The following USH2A variants were observed in gnomAD, a reference collection of about 807,000 sequenced individuals.
USH2A encodes the protein usherin, also known as Usher syndrome 2A (autosomal recessive, mild).
USH2A carries 443 observed loss-of-function variants against 538.9 expected under a neutral mutation model. The ratio of observed to expected loss-of-function variants is 0.82; its 90% CI spans 0.76 to 0.89. The LOEUF is 0.89. Among genes scored for constraint, USH2A ranks in the 40% least tolerant of loss-of-function variants. The pLI is 0.00. For synonymous variants in USH2A, 2,413 were observed against 2,273.5 expected, an observed-to-expected ratio of 1.06 and a Z score of -1.75; for missense variants, 6,633 against 6,324.8, an observed-to-expected ratio of 1.05 and a Z score of -1.65.
intron 49 of USH2A, among the ~76,000 whole-genome samples, chr1:215,809,214 C>T (rs988978959): frequency 2.0e-5 from 3 of 152,028 alleles, no homozygotes; most frequent in African/African-American, 7.2e-5. Flanking sequence ...ACATAATGTC[C>T]CTCTATGGTA....
chr1:215,788,116 C>T (rs1469374268), intron 51 of USH2A, among the ~76,000 whole-genome samples: 1 of 152,022 alleles, frequency 6.6e-6, no homozygotes, highest in African/African-American at 2.4e-5. Flanking sequence ...CAGTAAAATA[C>T]TGGTTTACGT....
chr1:216,057,103 G>A (rs1463491573), intron 30 of USH2A, among the ~76,000 whole-genome samples: 1 of 151,938 alleles, frequency 6.6e-6, no homozygotes, highest in African/African-American at 2.4e-5. Flanking sequence ...ATCCTTTGGT[G>A]TCAATTCTTA....
chr1:215,662,677 G>A (rs1273799632), intron 64 of USH2A, among the ~76,000 whole-genome samples: 1 of 152,136 alleles, frequency 6.6e-6, no homozygotes, highest in African/African-American at 2.4e-5. Flanking sequence ...TGTGCACTCA[G>A]GCCCTAAAGT....
Position 216,198,497 on chromosome 1 carries a change from C to G in USH2A, c.3899G>C (p.Ser1300Thr), listed in dbSNP as rs772408328. 1 of 1,614,032 alleles carries G rather than the reference C, an allele frequency of 6.2e-7. No individual in the cohort carries two copies. The highest frequency in any genetic ancestry group is 1.1e-5 in the South Asian group (1 of 91,080). ...AAATGAATGAGGACTGAGCCAACCA[C>G]TGCTCTGAAAAACTCGACTTTCCTC... Reference protein sequence around the residue: ...TSEESRVFQSSGWLSPHSFVE... With the variant: ...TSEESRVFQSTGWLSPHSFVE... Residue 1300 changes from serine (S) to threonine (T), a missense_variant, in exon 18 of 72, where the codon AGT becomes ACT. By Grantham distance (58) the Ser-to-Thr change is moderately conservative (BLOSUM62 1). Transcript: ENST00000307340.
intron 4 of USH2A, among the ~76,000 whole-genome samples, chr1:216,332,887 C>A (rs536094022): frequency 1.3e-5 from 2 of 152,158 alleles, no homozygotes; most frequent in Admixed American, 6.6e-5. Flanking sequence ...ATTTGCTACA[C>A]TATGTGTTTA....
chr1:215,827,047 T>G (rs1382152418), intron 47 of USH2A, among the ~76,000 whole-genome samples: 1 of 152,142 alleles, frequency 6.6e-6, no homozygotes, highest in Non-Finnish European at 1.5e-5. Context: ...CTCATGGTTA[T>G]GGAAGTGATG....
intron 14 of USH2A, among the ~76,000 whole-genome samples, chr1:216,220,071 A>G (rs1424878132): frequency 6.6e-6 from 1 of 152,124 alleles, no homozygotes; most frequent in Non-Finnish European, 1.5e-5. Flanking sequence ...CCTAATTATT[A>G]CTGTTGAAAC....
intron 62 of USH2A, among the ~76,000 whole-genome samples, chr1:215,676,225 G>GA (rs1383366761): frequency 6.6e-6 from 1 of 151,994 alleles, no homozygotes; most frequent in East Asian, 1.9e-4. Flanking sequence ...CTAGGGGATG[G>GA]AAAAAAACAC....
rs768158580 is a variant in USH2A at position 216,217,458 on chromosome 1, C to A, written c.3086G>T (p.Gly1029Val). The A allele has an allele frequency of 1.3e-5, 21 of 1,613,280 alleles. 1 individual carries two copies. Among genetic ancestry groups the A allele is most frequent in the Non-Finnish European group, 1.8e-5 (21 of 1,179,526 alleles). ...GQCFCKQFVT[G>V]SKCDACVPSA... ...GGGAACACAAGCATCACACTTTGAG[C>A]CAGTGACAAATTGTTTACAGAAACA... The change falls in exon 15 of 72, where the codon GGC becomes GTC. Residue 1029 changes from glycine (G) to valine (V), a missense_variant. Gly to Val is a moderately radical substitution (Grantham distance 109, BLOSUM62 -3). Transcript: ENST00000307340.
rs74570948 is a variant in USH2A at position 215,939,313 on chromosome 1, C to T, written c.7121-4518G>A. 3.5e-3 allele frequency among the ~76,000 whole-genome samples: 539 copies of T among 152,244 alleles called. 20 individuals carry two copies. In the East Asian group the frequency reaches 0.062, roughly 17 times the overall value. ...CTACATAAACTCCTAACTGCTCTTT[C>T]GGTCTATCCCACATTCTAAAGGGTC... is the stretch of plus-strand genomic sequence containing the variant. On this transcript the variant is annotated intron_variant, in intron 37 of 71. Transcript: ENST00000307340.
intron 50 of USH2A, among the ~76,000 whole-genome samples, chr1:215,793,824 T>C (rs1662047144): frequency 6.6e-6 from 1 of 152,158 alleles, no homozygotes; most frequent in South Asian, 2.1e-4. Flanking sequence ...ATAATATAAA[T>C]AAGTCAATAT....
intron 71 of USH2A, 113 bp downstream of exon 71, chr1:215,628,701 A>T: frequency 1.9e-6 from 2 of 1,075,908 alleles, no homozygotes; most frequent in Non-Finnish European, 2.9e-6. Context: ...CTCACTGGCT[A>T]AGTGCTCAGA....
chr1:215,754,143 C>T (rs543382968), intron 58 of USH2A, among the ~76,000 whole-genome samples: 1 of 152,268 alleles, frequency 6.6e-6, no homozygotes, highest in East Asian at 1.9e-4. Context: ...TACCTGTCTT[C>T]TAGCGTTTGC....
chr1:215,714,277 GA>G (rs1209691090), intron 61 of USH2A, among the ~76,000 whole-genome samples: 1 of 152,192 alleles, frequency 6.6e-6, no homozygotes, highest in Non-Finnish European at 1.5e-5. Context: ...GACAGAAGAG[GA>G]ATAGAAAGTG....
chr1:216,260,852 A>G (rs1159453885), intron 11 of USH2A, among the ~76,000 whole-genome samples: 1 of 152,052 alleles, frequency 6.6e-6, no homozygotes, highest in Non-Finnish European at 1.5e-5. Context: ...TTACCACCAC[A>G]ACTCCCCTTC....
intron 58 of USH2A, among the ~76,000 whole-genome samples, chr1:215,755,915 G>C (rs968753032): frequency 6.6e-6 from 1 of 152,068 alleles, no homozygotes. Context: ...AAAATGACAC[G>C]CTGGGAAATT....
intron 41 of USH2A, among the ~76,000 whole-genome samples, chr1:215,883,204 C>T (rs1664962643): frequency 6.6e-6 from 1 of 152,070 alleles, no homozygotes; most frequent in Admixed American, 6.5e-5. Flanking sequence ...ATTACTTTTG[C>T]ACCAACCTAA....
chr1:215,740,317 CT>C (rs1660266699), intron 60 of USH2A, among the ~76,000 whole-genome samples: 1 of 152,082 alleles, frequency 6.6e-6, no homozygotes, highest in Admixed American at 6.5e-5. Flanking sequence ...GCAAAATATC[CT>C]TCAAACCAAA....
chr1:216,106,305 C>A (rs1316560446), intron 21 of USH2A, among the ~76,000 whole-genome samples: 1 of 84,272 alleles, frequency 1.2e-5, no homozygotes, highest in Admixed American at 1.6e-4. Flanking sequence ...GTGTACATTT[C>A]ATATATGTAT....
Sources: gnomAD v4.1 joint callset for allele counts (sites outside exome capture counted in the v4.1 genomes callset) on GRCh38, gnomAD v4.1.1 for gene constraint, MANE v1.5 for transcripts, NCBI Gene and HGNC (gene_info 2026-07-23, HGNC 2026-07-21) for gene names.